Variants in CBR3 observed in about 807,000 individuals in gnomAD.
The protein encoded by CBR3 is carbonyl reductase [NADPH] 3.
CBR3 carries 14 observed loss-of-function variants against 11.6 expected under a neutral mutation model. The observed-to-expected ratio is 1.20, with a 90% confidence interval of 0.79 to 1.88. CBR3 has a LOEUF of 1.88. Among genes scored for constraint, CBR3 ranks in the 40% most tolerant of loss-of-function variants. CBR3 has a pLI of 0.00. For missense variants in CBR3, 308 were observed against 357.3 expected (o/e 0.86, Z 1.11); for synonymous variants, 125 against 145.6 (o/e 0.86, Z 1.02).
At chr21:36,141,850 T>G in intron 2 of CBR3, 1 of 841,138 alleles carries the variant, frequency 1.2e-6, no homozygotes, top group Non-Finnish European at 1.4e-6. Context: ...AGAGGATTTA[T>G]TTCCTCGAAG....
chr21:36,146,558 A>G lies in CBR3; in HGVS notation c.*46A>G. The G allele has an allele frequency of 6.9e-7, 1 of 1,452,592 alleles. No individual in the cohort carries two copies. Among genetic ancestry groups the G allele is most frequent in the Non-Finnish European group, 9.4e-7 (1 of 1,066,266 alleles). 90.0% of individuals were successfully genotyped at this position (1,452,592 alleles called of 1,614,324 possible). On this transcript the variant is annotated 3_prime_UTR_variant, in exon 3 of 3. Transcript: ENST00000290354. ...TGCTTAATAAATGTTGGTGGAATGAATGAATGAATTGATGCTGTGGTTTGA... is the reference window on the plus strand; with the variant it reads ...TGCTTAATAAATGTTGGTGGAATGAGTGAATGAATTGATGCTGTGGTTTGA...
chr21:36,140,179 G>T (rs1364675878), intron 2 of CBR3, among the ~76,000 whole-genome samples: 4 of 151,984 alleles, frequency 2.6e-5, no homozygotes, highest in Non-Finnish European at 5.9e-5. Context: ...TTGAGCCACC[G>T]CACTCAGACG....
intron 1 of CBR3, among the ~76,000 whole-genome samples, chr21:36,136,601 G>A (rs1418743914): frequency 1.3e-5 from 2 of 152,000 alleles, no homozygotes; most frequent in Non-Finnish European, 2.9e-5. Flanking sequence ...ATAAATACCC[G>A]GCTTCCTGGA....
rs2065704267 is a variant in CBR3 at position 36,141,015 on chromosome 21, AAAAAAAAAAAAG to A, written c.397+3087_397+3098del. On this transcript the variant is annotated intron_variant, in intron 2 of 2. Transcript: ENST00000290354. ...AGAGCCACACTCCATCTCAAAAAAAAAAAAAAAAAAAGAAAGAAAGAAAGAAAAGAAAATATC... is the reference window on the plus strand; with the variant it reads ...AGAGCCACACTCCATCTCAAAAAAAAAAAGAAAGAAAGAAAAGAAAATATC... 2.0e-5 allele frequency among the ~76,000 whole-genome samples: 3 copies of A among 148,840 alleles called. No individual in the cohort carries two copies. In the South Asian group the frequency reaches 6.4e-4, roughly 32 times the overall value.
At position 36,135,341 on chromosome 21, in the gene CBR3, T is replaced by G; in HGVS notation, c.149T>G (p.Leu50Arg). ...VARGQAAVQQ[L>R]QAEGLSPRFH... ...CGGGGCCAGGCGGCCGTGCAGCAGCTGCAGGCGGAGGGCCTGAGCCCGCGC... is the reference window on the plus strand; with the variant it reads ...CGGGGCCAGGCGGCCGTGCAGCAGCGGCAGGCGGAGGGCCTGAGCCCGCGC... The change falls in exon 1 of 3, where the codon CTG becomes CGG. Residue 50 changes from leucine (L) to arginine (R), a missense_variant. Coordinates refer to ENST00000290354, the MANE Select transcript of CBR3 (RefSeq NM_001236.4). The G allele has an allele frequency of 6.2e-7, 1 of 1,612,492 alleles. No homozygotes were observed. Among genetic ancestry groups the G allele is most frequent in the Non-Finnish European group, 8.5e-7 (1 of 1,179,686 alleles).
At chr21:36,141,838 T>C in intron 2 of CBR3, 1 of 748,288 alleles carries the variant, frequency 1.3e-6, no homozygotes, top group Non-Finnish European at 1.6e-6. Flanking sequence ...CTCCTCCCCT[T>C]AAGAGGATTT....
At chr21:36,142,436 A>AAAAAAAAAAAAACC (rs1555883297) in intron 2 of CBR3, among the ~76,000 whole-genome samples, 3 of 119,692 alleles carry the variant, frequency 2.5e-5, no homozygotes, top group East Asian at 2.8e-4. Context: ...CATCTCAAAA[A>AAAAAAAAAAAAACC]AAAAAAAAAA....
intron 2 of CBR3, among the ~76,000 whole-genome samples, chr21:36,142,454 T>C (rs1432563572): frequency 1.5e-4 from 6 of 39,670 alleles, no homozygotes; most frequent in Non-Finnish European, 3.3e-4. Flanking sequence ...AAAAACGCAA[T>C]CCATGATCCT....
rs144228729 is a variant in CBR3 at position 36,135,421 on chromosome 21, C to A, written c.229C>A (p.Leu77Met). The A allele has an allele frequency of 8.1e-5, 131 of 1,613,648 alleles. No individual in the cohort carries two copies. Among genetic ancestry groups the A allele is most frequent in the Admixed American group, 5.3e-4 (32 of 60,018 alleles). The change falls in exon 1 of 3, where the codon CTG becomes ATG. Residue 77 changes from leucine (L) to methionine (M), a missense_variant. Physicochemically the swap from Leu to Met is conservative, Grantham distance 15. Transcript: ENST00000290354. ...GAGCATCCGCGCCCTGCGCGACTTC[C>A]TGCGCAAGGAGTACGGGGGGCTCAA... is the stretch of plus-strand genomic sequence containing the variant. Reference protein sequence around the residue: ...LQSIRALRDFLRKEYGGLNVL... With the variant: ...LQSIRALRDFMRKEYGGLNVL...
chr21:36,143,602 G>A (rs779304602), intron 2 of CBR3, among the ~76,000 whole-genome samples: 25 of 151,934 alleles, frequency 1.6e-4, no homozygotes, highest in Non-Finnish European at 3.1e-4. Context: ...AAATCAGGCC[G>A]GATGCAGTGG....
intron 2 of CBR3, chr21:36,145,213 C>T (rs1030915938): frequency 2.6e-5 from 4 of 152,198 alleles, no homozygotes; most frequent in Non-Finnish European, 5.9e-5. Context: ...AGGGAGCCCC[C>T]CCTGTCACTG....
At chr21:36,141,043 A>AGAAAAT (rs2065704926) in intron 2 of CBR3, among the ~76,000 whole-genome samples, 1 of 151,210 alleles carries the variant, frequency 6.6e-6, no homozygotes, top group African/African-American at 2.4e-5. Context: ...AAGAAAGAAA[A>AGAAAAT]GAAAATATCA....
Position 36,145,334 on chromosome 21 carries a change from A to G in CBR3, c.398-742A>G, listed in dbSNP as rs372361393. Among the ~76,000 whole-genome samples the G allele has an allele frequency of 1.9e-4, 29 of 152,038 alleles. No homozygotes were observed. The East Asian group carries it at 3.7e-3, about 19-fold the overall frequency. On this transcript the variant is annotated intron_variant, in intron 2 of 2. Transcript: ENST00000290354. The stretch of plus-strand genomic sequence containing the variant: ...CATTTTTAATCTTTTTTTAAATTTG[A>G]TTATTACTTTTTGAGAAAGGGTCTC...
rs147010993 is a variant in CBR3, at chr21:36,144,393, G to A, written c.398-1683G>A. Among the ~76,000 whole-genome samples the A allele has an allele frequency of 3.7e-3, 563 of 152,148 alleles. 3 individuals are homozygous for A. The highest frequency in any genetic ancestry group is 0.013 in the African/African-American group (542 of 41,418). On this transcript the variant is annotated intron_variant, in intron 2 of 2. Transcript: ENST00000290354. ...GAATCACTTGATCCTGGGAGGCGGA[G>A]GTTGCAGTGAGCCGAGATTGTGCCA...
intron 2 of CBR3, among the ~76,000 whole-genome samples, chr21:36,144,368 G>C (rs947726028): frequency 3.7e-4 from 56 of 152,210 alleles, no homozygotes; most frequent in Non-Finnish European, 6.9e-4. Context: ...TGAAGCAGTA[G>C]AATCACTTGA....
At chr21:36,136,488 C>T (rs1397078831) in intron 1 of CBR3, among the ~76,000 whole-genome samples, 2 of 152,086 alleles carry the variant, frequency 1.3e-5, no homozygotes, top group Non-Finnish European at 2.9e-5. Flanking sequence ...TTCTTTGACC[C>T]GCACGGGCAA....
intron 2 of CBR3, chr21:36,141,394 T>C (rs563581283): frequency 1.3e-5 from 2 of 152,320 alleles, no homozygotes; most frequent in African/African-American, 4.8e-5. Context: ...AAAGCCTATT[T>C]TATCATAAAA....
chr21:36,139,143 T>C (rs1011986644), intron 2 of CBR3, among the ~76,000 whole-genome samples: 12 of 152,166 alleles, frequency 7.9e-5, no homozygotes, highest in African/African-American at 2.9e-4. Flanking sequence ...GTGCCTGCCA[T>C]ATTCCAGGCA....
rs982060806 is a variant in CBR3 at position 36,146,271 on chromosome 21, A to C, written c.593A>C (p.Lys198Thr). Residue 198 changes from lysine (K) to threonine (T), a missense_variant, in exon 3 of 3, where the codon AAG becomes ACG. By Grantham distance (78) the Lys-to-Thr change is moderately conservative. Coordinates refer to ENST00000290354, the MANE Select transcript of CBR3 (RefSeq NM_001236.4). ...GWPNSPYGVS[K>T]LGVTVLSRIL... is the part of the protein sequence containing the mutation. ...CCCAACTCACCTTATGGGGTGTCCA[A>C]GTTGGGGGTCACGGTCTTATCGAGG... 1.2e-6 allele frequency: 2 copies of C among 1,614,068 alleles called. No homozygotes were observed. The highest frequency in any genetic ancestry group is 2.7e-5 in the African/African-American group (2 of 74,922).
Sources: allele counts gnomAD v4.1 joint callset (sites outside exome capture counted in the v4.1 genomes callset), GRCh38; gene constraint gnomAD v4.1.1; transcripts MANE v1.5; gene names NCBI Gene and HGNC (gene_info 2026-07-23, HGNC 2026-07-21).